Variants in IPO8 observed in about 807,000 individuals in gnomAD.
IPO8 encodes importin-8.
In IPO8, 65 loss-of-function variants were observed where a neutral mutation model predicts 141.2. The observed-to-expected ratio is 0.46, with a 90% CI of 0.38 to 0.57. The LOEUF is 0.57. IPO8 is among the 20% of genes least tolerant of loss of function. IPO8 has a pLI of 0.00. For missense variants in IPO8, 980 were observed against 1,246.8 expected (o/e 0.79, Z 3.22); for synonymous variants, 411 against 420.3 (o/e 0.98, Z 0.27).
intron 24 of IPO8, among the ~76,000 whole-genome samples, chr12:30,631,357 A>G (rs933221751): frequency 6.6e-6 from 1 of 152,198 alleles, no homozygotes. Context: ...TTTCCTACTA[A>G]AATTTTTTTG....
At chr12:30,669,423 T>C (rs2053016910) in intron 9 of IPO8, 141 bp from the exon 10 acceptor site, 2 of 493,068 alleles carry the variant, frequency 4.1e-6, no homozygotes, top group Non-Finnish European at 7.1e-6. Flanking sequence ...AAGTCGAGGT[T>C]ATATTTACTA....
chr12:30,663,630 T>G lies in IPO8; in HGVS notation c.1453A>C (p.Ser485Arg). Residue 485 changes from serine to arginine, a missense_variant, in exon 14 of 25, where the codon AGT becomes CGT. By Grantham distance (110) the Ser-to-Arg change is moderately radical. This residue lies in a region of IPO8 where 924 missense variants were observed against 1,153.9 expected (regional missense o/e 0.80). Coordinates refer to ENST00000256079, the MANE Select transcript of IPO8 (RefSeq NM_006390.4). ...AGCTCATTATGGAACTTCAAAGAAC[T>G]AAATGCATGAAGTACCCAGCAAGAC... is the stretch of plus-strand genomic sequence containing the variant. Reference protein sequence around the residue: ...ARSCWVLHAFSSLKFHNELNL... With the variant: ...ARSCWVLHAFRSLKFHNELNL... The G allele has an allele frequency of 1.2e-6, 2 of 1,611,090 alleles. No individual in the cohort carries two copies. The highest frequency in any genetic ancestry group is 1.7e-6 in the Non-Finnish European group (2 of 1,179,492).
intron 23 of IPO8, 30 bp from the exon 24 acceptor site, chr12:30,632,041 G>C (rs758885458): frequency 7.0e-7 from 1 of 1,433,880 alleles, no homozygotes; most frequent in Non-Finnish European, 9.8e-7. Context: ...AAAGACAGGA[G>C]GGTACAGCGA....
chr12:30,664,264 T>C (rs575238688), intron 13 of IPO8, among the ~76,000 whole-genome samples: 1 of 152,300 alleles, frequency 6.6e-6, no homozygotes, highest in Admixed American at 6.5e-5. Flanking sequence ...ACTGTAAAAA[T>C]GCTCATGTGC....
At chr12:30,655,061 G>A (rs2052780177) in intron 17 of IPO8, among the ~76,000 whole-genome samples, 1 of 151,896 alleles carries the variant, frequency 6.6e-6, no homozygotes, top group African/African-American at 2.4e-5. Flanking sequence ...CAACAGAGAT[G>A]GACACACTAT....
intron 19 of IPO8, 72 bp from the exon 20 acceptor site, chr12:30,649,304 T>C (rs1160216049): frequency 9.8e-7 from 1 of 1,023,844 alleles, no homozygotes; most frequent in Non-Finnish European, 1.5e-6. Context: ...CATGCACAAA[T>C]GTCCCATATA....
chr12:30,681,616 G>C, intron 4 of IPO8, 43 bp downstream of exon 4: 1 of 1,573,870 alleles, frequency 6.4e-7, no homozygotes, highest in South Asian at 1.1e-5. Context: ...TTATTTCTAA[G>C]TTACACAAGG....
intron 12 of IPO8, among the ~76,000 whole-genome samples, 174 bp from the exon 13 acceptor site, chr12:30,665,483 TATTG>T (rs575331283): frequency 1.6e-4 from 24 of 152,362 alleles, no homozygotes; most frequent in Non-Finnish European, 2.2e-4. Context: ...ATCAGTTTGA[TATTG>T]ATTGATTTTG....
chr12:30,687,676 G>C (rs1337556980), intron 2 of IPO8, among the ~76,000 whole-genome samples: 2 of 152,050 alleles, frequency 1.3e-5, no homozygotes, highest in African/African-American at 4.8e-5. Flanking sequence ...AAGCCACAAA[G>C]CTTTCTACAA....
rs142658624 is a variant in IPO8, at chr12:30,663,579, C to T, written c.1504G>A (p.Ala502Thr). 319 of 1,613,660 alleles carry T rather than the reference C, an allele frequency of 2.0e-4. 1 individual carries two copies. Among genetic ancestry groups the T allele is most frequent in the Non-Finnish European group, 5.3e-5 (63 of 1,179,894 alleles). ...ELNLRNAVELAKKSLIEDKEM... is the reference protein window; with the variant it reads ...ELNLRNAVELTKKSLIEDKEM... ...TTATCTTCAATCAGGCTCTTCTTCG[C>T]TAATTCAACGGCATTTCTTAGATTG... is the stretch of plus-strand genomic sequence containing the variant. Residue 502 changes from alanine (A) to threonine (T), a missense_variant, in exon 14 of 25, where the codon GCG becomes ACG. Physicochemically the swap from Ala to Thr is moderately conservative, Grantham distance 58 (BLOSUM62 0). This residue lies in a region of IPO8 where 924 missense variants were observed against 1,153.9 expected (regional missense o/e 0.80). Coordinates refer to ENST00000256079, the MANE Select transcript of IPO8 (RefSeq NM_006390.4).
At chr12:30,651,985 T>C (rs909426027) in intron 19 of IPO8, among the ~76,000 whole-genome samples, 7 of 152,098 alleles carry the variant, frequency 4.6e-5, no homozygotes, top group African/African-American at 1.7e-4. Context: ...AGTACAGATA[T>C]AGAAGTGGCA....
chr12:30,639,687 C>T lies in IPO8; in HGVS notation c.2317G>A (p.Val773Ile), dbSNP rs887890019. ...QLVLERLTRG[V>I]KTSELRTMCL... ...ATAGTACGAAGCTCACTAGTTTTGA[C>T]CCCTCGAGTTAATCTCTCCAAAACA... is the stretch of plus-strand genomic sequence containing the variant. Residue 773 changes from valine to isoleucine, a missense_variant, in exon 21 of 25, where the codon GTC (valine) becomes ATC (isoleucine). Transcript: ENST00000256079. 2 of 1,613,996 alleles carry T rather than the reference C, an allele frequency of 1.2e-6. No individual in the cohort carries two copies. The highest frequency in any genetic ancestry group is 1.3e-5 in the African/African-American group (1 of 74,910).
chr12:30,680,679 A>G, intron 4 of IPO8, 41 bp from the exon 5 acceptor site: 1 of 1,469,682 alleles, frequency 6.8e-7, no homozygotes, highest in Non-Finnish European at 9.2e-7. Flanking sequence ...AATTTTTCCC[A>G]CCCAAAGAAC....
chr12:30,639,765 C>T, intron 20 of IPO8, 30 bp from the exon 21 acceptor site: 1 of 1,530,146 alleles, frequency 6.5e-7, no homozygotes, highest in South Asian at 1.1e-5. Context: ...AAGTCAACCA[C>T]ACAGACAGCC....
At chr12:30,655,187 T>C (rs2052782030) in intron 17 of IPO8, among the ~76,000 whole-genome samples, 1 of 152,188 alleles carries the variant, frequency 6.6e-6, no homozygotes. Context: ...TTGACAAATG[T>C]ATAGTGACGT....
chr12:30,667,623 G>T (rs1451462851), intron 10 of IPO8, among the ~76,000 whole-genome samples: 1 of 152,162 alleles, frequency 6.6e-6, no homozygotes, highest in Non-Finnish European at 1.5e-5. Flanking sequence ...AAAAGCCACT[G>T]CATTCCAGTC....
Position 30,671,070 on chromosome 12 carries a change from A to G in IPO8, c.936T>C (p.Tyr312=). 1 of 1,601,970 alleles carries G rather than the reference A, an allele frequency of 6.2e-7. No homozygotes were observed. Residue 312 remains tyrosine, a synonymous_variant, in exon 9 of 25, where the codon TAT becomes TAC. Transcript: ENST00000256079. ...GGGGAGCTACATATTCTTTCTGTCT[A>G]TATTGATCTAAAATTTTTAGTAGCA... is the stretch of plus-strand genomic sequence containing the variant. ...QQVLLKILDQ[Y]RQKEYVAPRV...
At chr12:30,644,435 A>ATTT (rs10658699) in intron 20 of IPO8, among the ~76,000 whole-genome samples, 96 of 150,878 alleles carry the variant, frequency 6.4e-4, no homozygotes, top group African/African-American at 2.2e-3. Flanking sequence ...AAAGGTCATA[A>ATTT]TTTTTTTGTC....
In IPO8 at chr12:30,637,062, A is replaced by G; in HGVS notation, c.2615T>C (p.Leu872Pro). 6.2e-7 allele frequency: 1 copy of G among 1,614,038 alleles called. No individual in the cohort carries two copies. Among genetic ancestry groups the G allele is most frequent in the Non-Finnish European group, 8.5e-7 (1 of 1,179,922 alleles). ...VPSILFLFLG[L>P]KQVCATRQLV... The stretch of plus-strand genomic sequence containing the variant: ...TTGTCTAGTAGCACAGACCTGCTTT[A>G]GGCCAAGGAAAAGGAAAAGAATTGA... The change falls in exon 22 of 25, where the codon CTA becomes CCA. Residue 872 changes from leucine (L) to proline (P), a missense_variant. Physicochemically the swap from Leu to Pro is moderately conservative, Grantham distance 98 (BLOSUM62 -3). Transcript: ENST00000256079.
Sources: allele counts gnomAD v4.1 joint callset (sites outside exome capture counted in the v4.1 genomes callset), GRCh38; gene constraint gnomAD v4.1.1; regional missense constraint gnomAD v4.1.1; transcripts MANE v1.5; gene names NCBI Gene and HGNC (gene_info 2026-07-23, HGNC 2026-07-21).